The following ILDR2 variants were observed in gnomAD, a reference collection of about 807,000 sequenced individuals.
ILDR2 encodes immunoglobulin-like domain-containing receptor 2.
In ILDR2, 25 loss-of-function variants were observed where a neutral mutation model predicts 66.8. The ratio of observed to expected loss-of-function variants is 0.37; its 90% CI spans 0.27 to 0.52. ILDR2 has a LOEUF of 0.52. Among genes scored for constraint, ILDR2 ranks in the 20% least tolerant of loss-of-function variants. The probability of loss-of-function intolerance (pLI) is 0.88; values close to 1 mark genes in which losing one functional copy is unlikely to be tolerated. For synonymous variants in ILDR2, 367 were observed against 357.2 expected (o/e 1.03, Z -0.31); for missense variants, 827 against 876.8 (o/e 0.94, Z 0.72).
intron 3 of ILDR2, 113 bp from the exon 4 acceptor site, chr1:166,939,683 C>G (rs938877630): frequency 1.0e-5 from 8 of 766,564 alleles, no homozygotes; most frequent in South Asian, 7.8e-5. Context: ...AGTGCATGCT[C>G]TTTGTGATAT....
chr1:166,947,578 C>G (rs924593994), intron 3 of ILDR2, among the ~76,000 whole-genome samples: 3 of 152,210 alleles, frequency 2.0e-5, no homozygotes, highest in African/African-American at 7.2e-5. Flanking sequence ...TGTCTCCTGC[C>G]CGGCTTTCAA....
intron 3 of ILDR2, among the ~76,000 whole-genome samples, chr1:166,945,700 C>G (rs567385976): frequency 2.0e-5 from 3 of 152,204 alleles, no homozygotes; most frequent in Non-Finnish European, 4.4e-5. Context: ...CTTACTCAAT[C>G]ACTTGATAAC....
In ILDR2 at chr1:166,936,933, A is replaced by G. The variant is rs1661018803; in HGVS notation, c.557-196T>C. Among the ~76,000 whole-genome samples the G allele has an allele frequency of 6.6e-6, 1 of 152,136 alleles. No homozygotes were observed. The highest frequency in any genetic ancestry group is 2.1e-4 in the South Asian group (1 of 4,824). The stretch of plus-strand genomic sequence containing the variant: ...GAGTGCAGACCCTCAGTCCCGGGGA[A>G]TGGAGAAGAGGGAAGAAGGTTATCT... On this transcript the variant is annotated intron_variant, in intron 4 of 9. Coordinates refer to ENST00000271417, the MANE Select transcript of ILDR2 (RefSeq NM_199351.3). The surrounding 1 kb of genome is among the most constrained non-coding windows in gnomAD (Gnocchi z 5.0).
intron 1 of ILDR2, among the ~76,000 whole-genome samples, chr1:166,970,682 A>G (rs1663235184): frequency 6.6e-6 from 1 of 152,106 alleles, no homozygotes; most frequent in Non-Finnish European, 1.5e-5. Flanking sequence ...GTGCAAGACT[A>G]CTCATACTGA....
intron 1 of ILDR2, among the ~76,000 whole-genome samples, chr1:166,974,915 AGGGG>A (rs1663503784): frequency 6.6e-6 from 1 of 152,172 alleles, no homozygotes; most frequent in Non-Finnish European, 1.5e-5. Context: ...CGTTTTATGG[AGGGG>A]AAATGCATTC....
At chr1:166,960,192 G>T (rs1484656935) in intron 1 of ILDR2, among the ~76,000 whole-genome samples, 2 of 152,176 alleles carry the variant, frequency 1.3e-5, no homozygotes, top group African/African-American at 4.8e-5. Context: ...TCTGCATTCT[G>T]TAACATCTGG....
intron 7 of ILDR2, among the ~76,000 whole-genome samples, chr1:166,924,329 A>C (rs1390374581): frequency 6.6e-6 from 1 of 152,208 alleles, no homozygotes; most frequent in Admixed American, 6.5e-5. Flanking sequence ...TTTAAAATGC[A>C]CCAAATGACC....
In ILDR2 at chr1:166,936,741, G is replaced by A; in HGVS notation, c.557-4C>T. The A allele has an allele frequency of 6.2e-7, 1 of 1,614,030 alleles. No individual in the cohort carries two copies. The highest frequency in any genetic ancestry group is 1.1e-5 in the South Asian group (1 of 91,050). On this transcript the variant is annotated splice_region_variant and splice_polypyrimidine_tract_variant and intron_variant, in intron 4 of 9. Coordinates refer to ENST00000271417, the MANE Select transcript of ILDR2 (RefSeq NM_199351.3). This position sits in a 1 kb window ranked among gnomAD's most constrained non-coding sequence, Gnocchi z 5.0. ...ACCAGGCCAACAAACACCCACTCTG[G>A]AAGGATGCACAAAGAAATCCACACT...
At chr1:166,929,010 A>G (rs1660468968) in intron 6 of ILDR2, among the ~76,000 whole-genome samples, 2 of 152,204 alleles carry the variant, frequency 1.3e-5, no homozygotes, top group Admixed American at 6.5e-5. Flanking sequence ...TTAAAATGCA[A>G]TTATCCCACA....
Position 166,921,021 on chromosome 1 carries a change from A to C in ILDR2, c.1570T>G (p.Tyr524Asp). 6.6e-7 allele frequency: 1 copy of C among 1,514,804 alleles called. No individual in the cohort carries two copies. The highest frequency in any genetic ancestry group is 8.8e-7 in the Non-Finnish European group (1 of 1,142,842). The allele number at this position is 1,514,804 out of a possible 1,614,324, so 93.8% of individuals were successfully genotyped here. The change falls in exon 9 of 10, where the codon TAC becomes GAC. Residue 524 changes from tyrosine to aspartate, a missense_variant. This residue lies in a region of ILDR2 where 390 missense variants were observed against 353.6 expected (regional missense o/e 1.10). Transcript: ENST00000271417. The surrounding 1 kb of genome is among the most constrained non-coding windows in gnomAD (Gnocchi z 5.3). ...GCGCTGCCCAGGTACGAGTGGTCGT[A>C]TTTGGGTGCGGTGCCTGGCGTGCGG... ...VSRTPGTAPKYDHSYLGSARE... is the reference protein window; with the variant it reads ...VSRTPGTAPKDDHSYLGSARE...
At chr1:166,928,922 C>T (rs1041293204) in intron 6 of ILDR2, among the ~76,000 whole-genome samples, 1 of 152,176 alleles carries the variant, frequency 6.6e-6, no homozygotes, top group African/African-American at 2.4e-5. Flanking sequence ...CAATGATTAG[C>T]AGAAATAATT....
chr1:166,958,180 T>C, intron 1 of ILDR2, 79 bp from the exon 2 acceptor site: 1 of 1,195,360 alleles, frequency 8.4e-7, no homozygotes, highest in Non-Finnish European at 1.2e-6. Context: ...CACCTTTCCA[T>C]TTCACTTCCC....
At chr1:166,903,555 T>A (rs915325182), downstream of ILDR2, among the ~76,000 whole-genome samples, 1 of 152,210 alleles carries the variant, frequency 6.6e-6, no homozygotes, top group African/African-American at 2.4e-5. Context: ...GGAAATTTAG[T>A]CTCTGGTTAG....
chr1:166,927,258 T>C (rs1660356671), intron 6 of ILDR2, 78 bp from the exon 7 acceptor site: 2 of 875,348 alleles, frequency 2.3e-6, no homozygotes, highest in Non-Finnish European at 3.7e-6. Flanking sequence ...TTTTACCAAG[T>C]AGAAAATAGG....
Position 166,935,368 on chromosome 1 carries a change from G to C in ILDR2, c.813C>G (p.Gly271=). The change falls in exon 6 of 10, where the codon GGC becomes GGG. Residue 271 remains glycine, a synonymous_variant. Coordinates refer to ENST00000271417, the MANE Select transcript of ILDR2 (RefSeq NM_199351.3). The stretch of plus-strand genomic sequence containing the variant: ...GTGGATGCGGCTTGTCCATCAGCAT[G>C]CCAGATGAGGGGGCTCCTCCCAAAG... ...SVPLGGAPSS[G]MLMDKPHPPP... 1.2e-6 allele frequency: 2 copies of C among 1,614,088 alleles called. No individual in the cohort carries two copies. The highest frequency in any genetic ancestry group is 8.5e-7 in the Non-Finnish European group (1 of 1,180,022).
At chr1:166,961,769 TA>T (rs1235832993) in intron 1 of ILDR2, among the ~76,000 whole-genome samples, 1 of 152,142 alleles carries the variant, frequency 6.6e-6, no homozygotes, top group Non-Finnish European at 1.5e-5. Context: ...AACCTAGAGC[TA>T]CGCAAGTACA....
intron 2 of ILDR2, among the ~76,000 whole-genome samples, chr1:166,901,242 C>T (rs1000783582): frequency 2.0e-5 from 3 of 152,168 alleles, no homozygotes; most frequent in African/African-American, 4.8e-5. Context: ...GCAACAACAA[C>T]GATTGAAAAT....
At chr1:166,971,933 C>T (rs780328028) in intron 1 of ILDR2, among the ~76,000 whole-genome samples, 22 of 151,996 alleles carry the variant, frequency 1.4e-4, no homozygotes, top group Non-Finnish European at 2.6e-4. Context: ...AATAAAGGGC[C>T]GGGCATGGTG....
chr1:166,973,200 C>A (rs1482461855), intron 1 of ILDR2, among the ~76,000 whole-genome samples: 1 of 152,136 alleles, frequency 6.6e-6, no homozygotes, highest in Non-Finnish European at 1.5e-5. Context: ...TGATTCCAAG[C>A]AGAACAGCCT....
Sources: allele counts gnomAD v4.1 joint callset (sites outside exome capture counted in the v4.1 genomes callset), GRCh38; gene constraint gnomAD v4.1.1; regional missense constraint gnomAD v4.1.1; non-coding constraint Gnocchi (gnomAD v3.1); transcripts MANE v1.5; gene names NCBI Gene and HGNC (gene_info 2026-07-23, HGNC 2026-07-21).